The following RFTN1 variants were observed in gnomAD, a reference collection of about 807,000 sequenced individuals.
RFTN1 encodes the protein raftlin, lipid raft linker 1.
A neutral mutation model predicts 46.5 loss-of-function variants in RFTN1; 26 were observed. The ratio of observed to expected loss-of-function variants is 0.56; its 90% CI spans 0.41 to 0.78. RFTN1 has a LOEUF of 0.78. Ranked by LOEUF, RFTN1 falls within the 30% of genes least tolerant of loss-of-function variation. The pLI is 0.00. For synonymous variants in RFTN1, 261 were observed against 284.2 expected (o/e 0.92, Z 0.82); for missense variants, 693 against 718.7 (o/e 0.96, Z 0.41).
chr3:16,316,688 G>A lies in RFTN1; in HGVS notation c.*140C>T, dbSNP rs2068427245. Reference sequence around the variant, plus strand: ...AGGAACCTGGCCCTGGGAGGGCTCAGGTGAGCTCACAAGGAGAGGTCAAGC... The same window carrying A: ...AGGAACCTGGCCCTGGGAGGGCTCAAGTGAGCTCACAAGGAGAGGTCAAGC... On this transcript the variant is annotated 3_prime_UTR_variant, in exon 10 of 10. Coordinates refer to ENST00000334133, the MANE Select transcript of RFTN1 (RefSeq NM_015150.2). This position sits in a 1 kb window ranked among gnomAD's most constrained non-coding sequence, Gnocchi z 4.5. 8 of 951,550 alleles carry A rather than the reference G, an allele frequency of 8.4e-6. No individual in the cohort carries two copies. The Admixed American group carries it at 1.3e-4, about 16-fold the overall frequency. 58.9% of individuals were successfully genotyped at this position (951,550 alleles called of 1,614,324 possible).
chr3:16,404,322 ATATAT>A (rs2074784240), intron 4 of RFTN1, among the ~76,000 whole-genome samples: 1 of 31,448 alleles, frequency 3.2e-5, no homozygotes, highest in Non-Finnish European at 5.0e-5. Flanking sequence ...ATTATATATA[ATATAT>A]AATATATAAT....
chr3:16,396,717 T>C (rs2074477305), intron 4 of RFTN1, among the ~76,000 whole-genome samples: 1 of 152,264 alleles, frequency 6.6e-6, no homozygotes, highest in African/African-American at 2.4e-5. Flanking sequence ...ACTAGATTCA[T>C]TTGAATCTAT....
In RFTN1 at chr3:16,361,505, G is replaced by A. The variant is rs1410144301; in HGVS notation, c.1031-3458C>T. ...ACAGTGGTGGTGGCTATTTTTGAAAGAGGCATCAGGGTAGGGCTCCCCACT... is the reference window on the plus strand; with the variant it reads ...ACAGTGGTGGTGGCTATTTTTGAAAAAGGCATCAGGGTAGGGCTCCCCACT... On this transcript the variant is annotated intron_variant, in intron 6 of 9. Coordinates refer to ENST00000334133, the MANE Select transcript of RFTN1 (RefSeq NM_015150.2). This position sits in a 1 kb window ranked among gnomAD's most constrained non-coding sequence, Gnocchi z 4.3. 6.6e-6 allele frequency among the ~76,000 whole-genome samples: 1 copy of A among 152,162 alleles called. No homozygotes were observed. The highest frequency in any genetic ancestry group is 2.1e-4 in the South Asian group (1 of 4,828).
intron 4 of RFTN1, 114 bp from the exon 5 acceptor site, chr3:16,378,216 G>C: frequency 1.2e-6 from 1 of 837,398 alleles, no homozygotes. Context: ...AGGTGCAGGA[G>C]AAGAATTCCA....
chr3:16,461,319 G>A (rs2076005307), intron 2 of RFTN1, among the ~76,000 whole-genome samples: 1 of 152,086 alleles, frequency 6.6e-6, no homozygotes, highest in African/African-American at 2.4e-5. Context: ...GTTTAACTGG[G>A]AAGCATATAT....
chr3:16,365,195 C>T (rs2073084772), intron 6 of RFTN1, among the ~76,000 whole-genome samples: 1 of 152,110 alleles, frequency 6.6e-6, no homozygotes, highest in Admixed American at 6.5e-5. Flanking sequence ...AAGGGAGTGG[C>T]TATCAGAAAC....
intron 2 of RFTN1, among the ~76,000 whole-genome samples, chr3:16,470,646 G>T (rs2076179030): frequency 6.6e-6 from 1 of 152,178 alleles, no homozygotes; most frequent in Non-Finnish European, 1.5e-5. Flanking sequence ...CCCAGCTAAG[G>T]CTAAAAGAAC....
chr3:16,467,413 C>T (rs1418293226), intron 2 of RFTN1, among the ~76,000 whole-genome samples: 1 of 152,242 alleles, frequency 6.6e-6, no homozygotes, highest in African/African-American at 2.4e-5. Context: ...CCATCCACAA[C>T]ATTCCACACA....
intron 7 of RFTN1, 121 bp from the exon 8 acceptor site, chr3:16,326,997 T>A: frequency 3.0e-6 from 2 of 676,182 alleles, no homozygotes; most frequent in Non-Finnish European, 5.0e-6. Context: ...GCCCGGCCAC[T>A]CAGAGGCTCC....
rs1015301565 is a variant in RFTN1 at position 16,410,065 on chromosome 3, C to T, written c.333-582G>A. The stretch of plus-strand genomic sequence containing the variant: ...CCAGATTCTTTCCCGAAAGTAACGT[C>T]AAAAAGGCACTGATGAAAAATGGTT... On this transcript the variant is annotated intron_variant, in intron 3 of 9. Transcript: ENST00000334133. The surrounding 1 kb of genome is among the most constrained non-coding windows in gnomAD (Gnocchi z 4.6). Among the ~76,000 whole-genome samples the T allele has an allele frequency of 2.6e-5, 4 of 151,310 alleles. No homozygotes were observed. The highest frequency in any genetic ancestry group is 9.7e-5 in the African/African-American group (4 of 41,094).
intron 4 of RFTN1, among the ~76,000 whole-genome samples, chr3:16,388,855 T>C (rs1442127804): frequency 6.6e-6 from 1 of 152,184 alleles, no homozygotes; most frequent in Non-Finnish European, 1.5e-5. Context: ...TTGACAACCC[T>C]AGTTTTATAC....
chr3:16,491,893 T>C (rs1370556848), intron 2 of RFTN1, among the ~76,000 whole-genome samples: 1 of 152,220 alleles, frequency 6.6e-6, no homozygotes, highest in African/African-American at 2.4e-5. Context: ...GACACGCTTT[T>C]GTTTTTCCCT....
intron 4 of RFTN1, among the ~76,000 whole-genome samples, chr3:16,396,203 C>A (rs1335522572): frequency 6.6e-6 from 1 of 151,976 alleles, no homozygotes; most frequent in Non-Finnish European, 1.5e-5. Context: ...ACAGCTATGG[C>A]AGAAAAAGTC....
At position 16,465,220 on chromosome 3, in the gene RFTN1, TA is replaced by T. The variant is rs371626480; in HGVS notation, c.145+28504del. 4.8e-3 allele frequency among the ~76,000 whole-genome samples: 656 copies of T among 137,180 alleles called. No individual in the cohort carries two copies. Among genetic ancestry groups the T allele is most frequent in the Admixed American group, 7.3e-3 (100 of 13,664 alleles). The allele number at this position is 137,180 out of a possible 152,430, so 90.0% of individuals were successfully genotyped here. A position where few individuals can be genotyped will look rare whatever the true frequency, so the allele number is the denominator to read the frequency against. ...ACTATTCAAGGATGCCACTTCAAGG[TA>T]AAAAAAAAAAAAGCCTTAGTATTTC... On this transcript the variant is annotated intron_variant, in intron 2 of 9. Coordinates refer to ENST00000334133, the MANE Select transcript of RFTN1 (RefSeq NM_015150.2). The surrounding 1 kb of genome is among the most constrained non-coding windows in gnomAD (Gnocchi z 5.1).
intron 2 of RFTN1, among the ~76,000 whole-genome samples, chr3:16,439,117 A>C (rs542740665): frequency 3.9e-5 from 6 of 152,364 alleles, no homozygotes; most frequent in African/African-American, 1.4e-4. Flanking sequence ...GAAACAAATA[A>C]AAATGAATCT....
At chr3:16,453,569 G>A (rs2075855074) in intron 2 of RFTN1, among the ~76,000 whole-genome samples, 1 of 152,226 alleles carries the variant, frequency 6.6e-6, no homozygotes, top group African/African-American at 2.4e-5. Context: ...TCTTTGAAAG[G>A]TTGATTACAG....
At chr3:16,455,326 CTG>C (rs2075887594) in intron 2 of RFTN1, among the ~76,000 whole-genome samples, 1 of 152,208 alleles carries the variant, frequency 6.6e-6, no homozygotes, top group South Asian at 2.1e-4. Flanking sequence ...AAGCCACAAT[CTG>C]TTCACTTCTA....
chr3:16,434,163 GT>G, intron 2 of RFTN1, 126 bp from the exon 3 acceptor site: 1 of 766,820 alleles, frequency 1.3e-6, no homozygotes, highest in Non-Finnish European at 2.0e-6. Context: ...GTTTGTCCCA[GT>G]TTTTACTGTC....
At position 16,507,619 on chromosome 3, in the gene RFTN1, C is replaced by CACAT. The variant is rs1553605707; in HGVS notation, c.-9+5819_-9+5822dup. Among the ~76,000 whole-genome samples, 289 of 150,072 alleles carry CACAT rather than the reference C, an allele frequency of 1.9e-3. 1 individual carries two copies. The highest frequency in any genetic ancestry group is 7.2e-3 in the South Asian group (34 of 4,714). On this transcript the variant is annotated intron_variant, in intron 1 of 9. Transcript: ENST00000334133. This position sits in a 1 kb window ranked among gnomAD's most constrained non-coding sequence, Gnocchi z 7.1. ...TTCAAAACACACACACACACACACA[C>CACAT]ACATACACACACACATGCACACATC... is the stretch of plus-strand genomic sequence containing the variant.
Sources: allele counts gnomAD v4.1 joint callset (sites outside exome capture counted in the v4.1 genomes callset), GRCh38; gene constraint gnomAD v4.1.1; non-coding constraint Gnocchi (gnomAD v3.1); transcripts MANE v1.5; gene names NCBI Gene and HGNC (gene_info 2026-07-23, HGNC 2026-07-21).